Variants in SCAF8 observed in about 807,000 individuals in gnomAD.
SCAF8 encodes SR-related CTD associated factor 8.
In SCAF8, 23 loss-of-function variants were observed where a neutral mutation model predicts 140.5. The ratio of observed to expected loss-of-function variants is 0.16; its 90% CI spans 0.12 to 0.23. SCAF8 has a LOEUF of 0.23. SCAF8 is among the 10% of genes least tolerant of loss of function. SCAF8 has a pLI of 1.00. For synonymous variants in SCAF8, 575 were observed against 528.9 expected (o/e 1.09, Z -1.20); for missense variants, 1,397 against 1,555.7 (o/e 0.90, Z 1.72).
chr6:154,779,773 GTGTGTGTGTATATATATA>G (rs1203391099), intron 3 of SCAF8, among the ~76,000 whole-genome samples: 1 of 91,608 alleles, frequency 1.1e-5, no homozygotes, highest in African/African-American at 6.8e-5. Flanking sequence ...GTGTGTGTGT[GTGTGTGTGTATATATATA>G]TATATATATA....
intron 13 of SCAF8, 134 bp from the exon 14 acceptor site, chr6:154,818,345 A>AG (rs1778315857): frequency 2.4e-6 from 1 of 411,340 alleles, no homozygotes; most frequent in South Asian, 6.2e-5. Flanking sequence ...GGAGGAAGAA[A>AG]GGGGAAAATA....
At chr6:154,807,043 T>C (rs1777938490) in intron 9 of SCAF8, among the ~76,000 whole-genome samples, 2 of 152,246 alleles carry the variant, frequency 1.3e-5, no homozygotes, top group African/African-American at 4.8e-5. Context: ...TGTAACACTT[T>C]GTGAATTGCT....
chr6:154,803,094 C>T (rs924690033), intron 7 of SCAF8, among the ~76,000 whole-genome samples: 2 of 152,130 alleles, frequency 1.3e-5, no homozygotes, highest in Admixed American at 6.6e-5. Context: ...TTTTGGCCAG[C>T]AGCTTCTAAG....
rs1405873844 is a variant in SCAF8 at position 154,828,347 on chromosome 6, A to G, written c.2140+1107A>G. On this transcript the variant is annotated intron_variant, in intron 18 of 19. Coordinates refer to ENST00000367178, the MANE Select transcript of SCAF8 (RefSeq NM_014892.5). Reference sequence around the variant, plus strand: ...GATGCTATTTTTTTCTTTAATTGCCATTTCTCAGAGTCATGAGATCTATAG... The same window carrying G: ...GATGCTATTTTTTTCTTTAATTGCCGTTTCTCAGAGTCATGAGATCTATAG... 2.6e-5 allele frequency among the ~76,000 whole-genome samples: 4 copies of G among 152,044 alleles called. No individual in the cohort carries two copies. The East Asian group carries it at 5.8e-4, about 22-fold the overall frequency.
chr6:154,748,399 A>G (rs556252769), intron 1 of SCAF8, among the ~76,000 whole-genome samples: 2 of 152,360 alleles, frequency 1.3e-5, no homozygotes, highest in Non-Finnish European at 2.9e-5. Flanking sequence ...AAAGTTTACT[A>G]ATAAGACTAG....
At chr6:154,746,795 A>G (rs895777175) in intron 1 of SCAF8, among the ~76,000 whole-genome samples, 1 of 152,222 alleles carries the variant, frequency 6.6e-6, no homozygotes, top group Admixed American at 6.5e-5. Flanking sequence ...AATTTGAAAT[A>G]GAGTTAGGTT....
intron 3 of SCAF8, among the ~76,000 whole-genome samples, chr6:154,783,433 G>C (rs1383848654): frequency 2.6e-5 from 4 of 152,188 alleles, no homozygotes; most frequent in Non-Finnish European, 5.9e-5. Context: ...GTGGTCTGTA[G>C]ATGAGTTACT....
At chr6:154,819,543 A>G (rs1778353476) in intron 14 of SCAF8, among the ~76,000 whole-genome samples, 1 of 152,142 alleles carries the variant, frequency 6.6e-6, no homozygotes, top group African/African-American at 2.4e-5. Context: ...GTGAGCCATG[A>G]TCATGCTACT....
intron 1 of SCAF8, among the ~76,000 whole-genome samples, chr6:154,763,861 T>G (rs1406440934): frequency 6.6e-6 from 1 of 152,156 alleles, no homozygotes; most frequent in Non-Finnish European, 1.5e-5. Context: ...ATACAAATTG[T>G]TTATGGCTGT....
At chr6:154,736,171 C>T (rs2114782870) in intron 1 of SCAF8, among the ~76,000 whole-genome samples, 1 of 151,900 alleles carries the variant, frequency 6.6e-6, no homozygotes, top group Non-Finnish European at 1.5e-5. Flanking sequence ...TTAATTCCCG[C>T]CGCCACCCTC....
At chr6:154,790,250 G>A (rs1224920926) in intron 4 of SCAF8, among the ~76,000 whole-genome samples, 2 of 152,124 alleles carry the variant, frequency 1.3e-5, no homozygotes, top group Admixed American at 1.3e-4. Flanking sequence ...TAAAGCAGAA[G>A]AACATAAGGC....
chr6:154,827,206 G>A lies in SCAF8; in HGVS notation c.2106G>A (p.Val702=). Reference sequence around the variant, plus strand: ...CGCCTCCAGTTCCCCCACCTGTTGTGCCACCCCCTACGATTCCACCAGTAG... The same window carrying A: ...CGCCTCCAGTTCCCCCACCTGTTGTACCACCCCCTACGATTCCACCAGTAG... ...FMPPPVPPPV[V]PPPTIPPVVP... Residue 702 remains valine, a synonymous_variant, in exon 18 of 20, where the codon GTG becomes GTA. Coordinates refer to ENST00000367178, the MANE Select transcript of SCAF8 (RefSeq NM_014892.5). The A allele has an allele frequency of 6.2e-7, 1 of 1,603,936 alleles. No homozygotes were observed.
chr6:154,810,638 A>G (rs377152270), intron 12 of SCAF8, among the ~76,000 whole-genome samples: 1 of 152,218 alleles, frequency 6.6e-6, no homozygotes, highest in African/African-American at 2.4e-5. Flanking sequence ...ACTACAGGAT[A>G]ATTCCTACTG....
At chr6:154,761,546 C>CT (rs559779686) in intron 1 of SCAF8, among the ~76,000 whole-genome samples, 3 of 152,090 alleles carry the variant, frequency 2.0e-5, no homozygotes, top group Non-Finnish European at 4.4e-5. Flanking sequence ...CAGACTGGTC[C>CT]TTTTTTTAGT....
intron 1 of SCAF8, among the ~76,000 whole-genome samples, chr6:154,760,813 T>C (rs950825629): frequency 1.3e-5 from 2 of 152,178 alleles, no homozygotes; most frequent in African/African-American, 4.8e-5. Context: ...AGAGACCGTC[T>C]TGCTCTGTCA....
Position 154,815,768 on chromosome 6 carries a change from A to G in SCAF8, c.1473A>G (p.Gln491=), listed in dbSNP as rs781740020. 4.3e-6 allele frequency: 7 copies of G among 1,613,318 alleles called. No individual in the cohort carries two copies. The highest frequency in any genetic ancestry group is 5.9e-6 in the Non-Finnish European group (7 of 1,179,438). The change falls in exon 13 of 20, where the codon CAA becomes CAG. Residue 491 remains glutamine, a synonymous_variant. Coordinates refer to ENST00000367178, the MANE Select transcript of SCAF8 (RefSeq NM_014892.5). ...AAGTGGACAAGAAGGCAACACAGCAAGACTTAACCAACCTGTTTGAAGAGT... is the reference window on the plus strand; with the variant it reads ...AAGTGGACAAGAAGGCAACACAGCAGGACTTAACCAACCTGTTTGAAGAGT... ...VGQVDKKATQ[Q]DLTNLFEEFG...
At chr6:154,818,621 T>C (rs762001649) in intron 14 of SCAF8, 29 bp downstream of exon 14, 1 of 1,141,720 alleles carries the variant, frequency 8.8e-7, no homozygotes, top group Admixed American at 1.9e-5. Flanking sequence ...GAACTTGGGG[T>C]AGGGGGGCAG....
chr6:154,739,250 C>G (rs944586552), intron 1 of SCAF8, among the ~76,000 whole-genome samples: 1 of 152,062 alleles, frequency 6.6e-6, no homozygotes, highest in African/African-American at 2.4e-5. Context: ...TGTTGACCTC[C>G]CAAAGTACTG....
chr6:154,810,266 C>T, intron 12 of SCAF8, 58 bp downstream of exon 12: 2 of 1,319,320 alleles, frequency 1.5e-6, no homozygotes, highest in Non-Finnish European at 2.1e-6. Context: ...AAATAGTTAT[C>T]TGCTACAAAG....
Sources: allele counts gnomAD v4.1 joint callset (sites outside exome capture counted in the v4.1 genomes callset), GRCh38; gene constraint gnomAD v4.1.1; transcripts MANE v1.5; gene names NCBI Gene and HGNC (gene_info 2026-07-23, HGNC 2026-07-21).